TTLL5: variants seen among roughly 807,000 people sequenced by gnomAD.
The protein encoded by TTLL5 is tubulin tyrosine ligase like 5.
A neutral mutation model predicts 168.4 loss-of-function variants in TTLL5; 132 were observed. The observed-to-expected ratio is 0.78, with a 90% CI of 0.68 to 0.91. TTLL5 has a LOEUF of 0.91. TTLL5 is among the 40% of genes least tolerant of loss of function. The pLI is 0.00. For missense variants in TTLL5, 1,545 were observed against 1,581.5 expected (o/e 0.98, Z 0.39); for synonymous variants, 546 against 558.6 (o/e 0.98, Z 0.32).
At chr14:75,821,291 G>A (rs1294445049) in intron 28 of TTLL5, among the ~76,000 whole-genome samples, 2 of 152,144 alleles carry the variant, frequency 1.3e-5, no homozygotes, top group African/African-American at 4.8e-5. Context: ...ATAAAGAACC[G>A]AAGACCAAGA....
chr14:75,917,295 G>C (rs1299404473), intron 31 of TTLL5, among the ~76,000 whole-genome samples: 2 of 152,228 alleles, frequency 1.3e-5, no homozygotes, highest in African/African-American at 4.8e-5. Context: ...GGAAACTAAG[G>C]CTGAGAGAAG....
At chr14:75,686,744 G>A (rs565760438) in intron 5 of TTLL5, among the ~76,000 whole-genome samples, 44 of 152,172 alleles carry the variant, frequency 2.9e-4, no homozygotes, top group African/African-American at 1.0e-3. Context: ...TTCTCAGAAG[G>A]TCACATCTGT....
chr14:75,917,531 G>C (rs898449816), intron 31 of TTLL5, among the ~76,000 whole-genome samples: 3 of 152,214 alleles, frequency 2.0e-5, no homozygotes, highest in African/African-American at 7.2e-5. Context: ...TGGCTCATTA[G>C]GGGGATGCCT....
intron 9 of TTLL5, among the ~76,000 whole-genome samples, chr14:75,712,827 A>T (rs564345017): frequency 4.6e-5 from 7 of 152,334 alleles, no homozygotes; most frequent in African/African-American, 1.7e-4. Context: ...AAGGAAATGT[A>T]ACTTGTGATT....
chr14:75,906,734 C>T (rs1452240298), intron 31 of TTLL5: 2 of 984,002 alleles, frequency 2.0e-6, no homozygotes, highest in Non-Finnish European at 2.4e-6. Flanking sequence ...CTTTATACTA[C>T]AGCAAGAGAC....
chr14:75,922,284 G>A (rs1019110868), intron 31 of TTLL5, among the ~76,000 whole-genome samples: 8 of 152,168 alleles, frequency 5.3e-5, no homozygotes, highest in Admixed American at 1.3e-4. Flanking sequence ...TAGGAGTGGT[G>A]AGAGAGGGCA....
chr14:75,684,842 G>A (rs1367499612), intron 5 of TTLL5: 1 of 152,178 alleles, frequency 6.6e-6, no homozygotes, highest in Non-Finnish European at 1.5e-5. Flanking sequence ...TCTGAGGGAG[G>A]CTTTTCTGGC....
At chr14:75,777,975 TA>T (rs201797480) in intron 23 of TTLL5, among the ~76,000 whole-genome samples, 14,419 of 141,592 alleles carry the variant, frequency 0.1, 920 homozygotes, top group Non-Finnish European at 0.15. Context: ...AGAAAAGGAT[TA>T]AAAAAAAAAA....
Position 75,779,566 on chromosome 14 carries a change from T to C in TTLL5, c.2388-9T>C. 1 of 1,612,090 alleles carries C rather than the reference T, an allele frequency of 6.2e-7. No homozygotes were observed. Among genetic ancestry groups the C allele is most frequent in the Non-Finnish European group, 8.5e-7 (1 of 1,179,484 alleles). On this transcript the variant is annotated splice_polypyrimidine_tract_variant and intron_variant, in intron 23 of 31. Transcript: ENST00000298832. ...TCCTGTCTGACCATACTTTTTCTCCTCATTTCAGTGAGGCTGAACTGGAGG... is the reference window on the plus strand; with the variant it reads ...TCCTGTCTGACCATACTTTTTCTCCCCATTTCAGTGAGGCTGAACTGGAGG...
At chr14:75,931,543 T>A (rs1016785437) in intron 31 of TTLL5, among the ~76,000 whole-genome samples, 4 of 152,196 alleles carry the variant, frequency 2.6e-5, no homozygotes, top group Non-Finnish European at 4.4e-5. Context: ...CTCTTCATCC[T>A]AAGTTGTATC....
chr14:75,732,475 CTT>C (rs5809726), intron 13 of TTLL5, 56 bp downstream of exon 13: 11,821 of 1,104,442 alleles, frequency 0.011, no homozygotes, highest in Non-Finnish European at 0.013. Flanking sequence ...ACTTAAAGCA[CTT>C]TTTTTTTTTT....
intron 5 of TTLL5, among the ~76,000 whole-genome samples, chr14:75,689,172 G>A (rs141574705): frequency 6.6e-6 from 1 of 152,334 alleles, no homozygotes; most frequent in African/African-American, 2.4e-5. Context: ...TTCATGTGGG[G>A]AGGAACTGAG....
intron 6 of TTLL5, among the ~76,000 whole-genome samples, chr14:75,694,696 A>G (rs902207712): frequency 6.6e-6 from 1 of 152,226 alleles, no homozygotes. Context: ...GCAGAGTAAC[A>G]TAAATTGTGA....
chr14:75,758,080 T>C (rs1025212956), intron 18 of TTLL5, among the ~76,000 whole-genome samples: 3 of 152,252 alleles, frequency 2.0e-5, no homozygotes, highest in African/African-American at 7.2e-5. Context: ...TATACTATTC[T>C]AACTGAAGAT....
intron 30 of TTLL5, among the ~76,000 whole-genome samples, chr14:75,900,726 T>A (rs945538630): frequency 6.6e-6 from 1 of 152,180 alleles, no homozygotes; most frequent in African/African-American, 2.4e-5. Context: ...CTCTTTCCTC[T>A]CCCTCCTCCT....
chr14:75,751,331 C>A (rs555692954), intron 17 of TTLL5, among the ~76,000 whole-genome samples: 2 of 152,220 alleles, frequency 1.3e-5, no homozygotes, highest in South Asian at 4.2e-4. Flanking sequence ...GAACTTTTAC[C>A]GTTTCACCGA....
Position 75,863,857 on chromosome 14 carries a change from C to CACCAGGT in TTLL5, c.3519_3522+3dup, listed in dbSNP as rs1454764710. The CACCAGGT allele has an allele frequency of 6.9e-7, 1 of 1,449,700 alleles. No individual in the cohort carries two copies. Among genetic ancestry groups the CACCAGGT allele is most frequent in the Non-Finnish European group, 9.2e-7 (1 of 1,083,000 alleles). The allele number at this position is 1,449,700 out of a possible 1,614,324, so 89.8% of individuals were successfully genotyped here. On this transcript the variant is annotated frameshift_variant, in exon 29 of 32. Transcript: ENST00000298832. LOFTEE classifies it high-confidence loss of function. ...GCTCCTGGACCAGAGTCGAGCCCGG[C>CACCAGGT]ACCAGGTAATTCAAGATAAGTCTTT... is the stretch of plus-strand genomic sequence containing the variant.
chr14:75,825,792 A>T (rs139362184), intron 28 of TTLL5, among the ~76,000 whole-genome samples: 1 of 152,042 alleles, frequency 6.6e-6, no homozygotes, highest in Non-Finnish European at 1.5e-5. Context: ...AACTCTCACT[A>T]TTCCTTCCCC....
chr14:75,825,067 T>C (rs1236786620), intron 28 of TTLL5, among the ~76,000 whole-genome samples: 1 of 152,242 alleles, frequency 6.6e-6, no homozygotes, highest in East Asian at 1.9e-4. Flanking sequence ...CCCATCTTTT[T>C]TTCAATGCAC....
Sources: allele counts gnomAD v4.1 joint callset (sites outside exome capture counted in the v4.1 genomes callset), GRCh38; gene constraint gnomAD v4.1.1; transcripts MANE v1.5; gene names NCBI Gene and HGNC (gene_info 2026-07-23, HGNC 2026-07-21).